The following STK32B variants were observed in gnomAD, a reference collection of about 807,000 sequenced individuals.
STK32B encodes the protein serine/threonine kinase 32B.
Under a neutral mutation model 52.6 loss-of-function variants are expected in STK32B, and 43 were observed. The ratio of observed to expected loss-of-function variants is 0.82; its 90% CI spans 0.64 to 1.05. STK32B has a LOEUF of 1.05. Ranked by LOEUF, STK32B falls within the 50% of genes least tolerant of loss-of-function variation. STK32B has a pLI of 0.00. For synonymous variants in STK32B, 238 were observed against 204.3 expected (o/e 1.17, Z -1.41); for missense variants, 621 against 534.6 (o/e 1.16, Z -1.59).
chr4:5,128,195 A>G (rs13139466), intron 1 of STK32B, among the ~76,000 whole-genome samples: 27,807 of 152,166 alleles, frequency 0.18, 3,314 homozygotes, highest in Non-Finnish European at 0.25. Context: ...TTCCCTTTGG[A>G]CTTCTGGCCT....
intron 4 of STK32B, among the ~76,000 whole-genome samples, chr4:5,377,932 T>TA (rs1396579870): frequency 2.0e-5 from 3 of 152,076 alleles, no homozygotes; most frequent in African/African-American, 7.2e-5. Context: ...AATACAACCA[T>TA]AAAAAATAAA....
At chr4:5,495,531 G>A (rs551680261) in intron 11 of STK32B, among the ~76,000 whole-genome samples, 1 of 152,014 alleles carries the variant, frequency 6.6e-6, no homozygotes, top group East Asian at 1.9e-4. Flanking sequence ...ATTTCCTCCT[G>A]TAGCTCGCAG....
At chr4:5,452,006 CACTA>C (rs1393448863) in intron 7 of STK32B, among the ~76,000 whole-genome samples, 2 of 152,192 alleles carry the variant, frequency 1.3e-5, no homozygotes, top group Non-Finnish European at 2.9e-5. Context: ...ACCCTTCAAC[CACTA>C]GAGACAGGCA....
In STK32B at chr4:5,270,757, A is replaced by C. The variant is rs1460272414; in HGVS notation, c.261-60463A>C. ...CATTAAGATGGGAAAGGATGAATAA[A>C]ACTTTATTTGCTGGCAGATGATATG... On this transcript the variant is annotated intron_variant, in intron 3 of 11. Coordinates refer to ENST00000282908, the MANE Select transcript of STK32B (RefSeq NM_018401.3). Among the ~76,000 whole-genome samples, 3 of 152,196 alleles carry C rather than the reference A, an allele frequency of 2.0e-5. No individual in the cohort carries two copies. The East Asian group carries it at 5.8e-4, about 29-fold the overall frequency.
chr4:5,388,445 G>C (rs1273259072), intron 4 of STK32B, among the ~76,000 whole-genome samples: 1 of 152,184 alleles, frequency 6.6e-6, no homozygotes, highest in African/African-American at 2.4e-5. Context: ...CAGTATTGGA[G>C]TAAGGATTTG....
intron 3 of STK32B, among the ~76,000 whole-genome samples, chr4:5,189,011 AT>A (rs1489957562): frequency 4.7e-5 from 7 of 149,662 alleles, no homozygotes; most frequent in Admixed American, 2.8e-4. Flanking sequence ...TTAAGGTATA[AT>A]TTAAAAAAAA....
At chr4:5,091,179 G>C (rs1057415901) in intron 1 of STK32B, among the ~76,000 whole-genome samples, 1 of 152,026 alleles carries the variant, frequency 6.6e-6, no homozygotes, top group African/African-American at 2.4e-5. Flanking sequence ...GCTTCTTACT[G>C]TTGACTTCAA....
chr4:5,172,839 G>C (rs553419566), intron 3 of STK32B, among the ~76,000 whole-genome samples: 105 of 152,214 alleles, frequency 6.9e-4, no homozygotes, highest in Middle Eastern at 3.4e-3. Flanking sequence ...GAGTTAGGGA[G>C]GATTCTGTCT....
the STK32B span, among the ~76,000 whole-genome samples, chr4:5,027,958 G>A: frequency 6.6e-5 from 10 of 152,194 alleles, no homozygotes; most frequent in South Asian, 2.1e-4. Flanking sequence ...TGAGACCTGC[G>A]TCTCCTTCTT....
At chr4:5,116,184 GCACA>G (rs146380270) in intron 1 of STK32B, among the ~76,000 whole-genome samples, 4 of 149,134 alleles carry the variant, frequency 2.7e-5, no homozygotes, top group Non-Finnish European at 4.5e-5. Context: ...GTGCATGCAC[GCACA>G]CACACACACA....
At position 5,089,504 on chromosome 4, in the gene STK32B, A is replaced by G. The variant is rs569473169; in HGVS notation, c.52+37589A>G. Among the ~76,000 whole-genome samples the G allele has an allele frequency of 4.6e-5, 7 of 152,180 alleles. No individual in the cohort carries two copies. The South Asian group carries it at 1.4e-3, about 32-fold the overall frequency. On this transcript the variant is annotated intron_variant, in intron 1 of 11. Transcript: ENST00000282908. ...TTCTAGCTTCATCCATGTCCCTGCA[A>G]AGGACATGATCTCATTCTTTTTTAT...
chr4:5,262,124 C>G (rs1726749926), intron 3 of STK32B, among the ~76,000 whole-genome samples: 1 of 150,436 alleles, frequency 6.6e-6, no homozygotes, highest in Non-Finnish European at 1.5e-5. Context: ...TTTGTCCACT[C>G]TCTCTGTTGG....
intron 3 of STK32B, among the ~76,000 whole-genome samples, chr4:5,252,228 A>G (rs756137989): frequency 2.0e-5 from 3 of 152,094 alleles, no homozygotes; most frequent in African/African-American, 2.4e-5. Context: ...TGTGCCAAAG[A>G]TTTGTCATTA....
chr4:5,303,249 A>C (rs1729689807), intron 3 of STK32B, among the ~76,000 whole-genome samples: 1 of 152,082 alleles, frequency 6.6e-6, no homozygotes, highest in Non-Finnish European at 1.5e-5. Context: ...TTCTTTAAGG[A>C]ATCTCCACAC....
At chr4:5,279,830 C>T (rs1728076303) in intron 3 of STK32B, among the ~76,000 whole-genome samples, 1 of 152,166 alleles carries the variant, frequency 6.6e-6, no homozygotes, top group Non-Finnish European at 1.5e-5. Flanking sequence ...AAGCAACAGC[C>T]CAAGCTGTAC....
At chr4:5,447,390 G>A (rs1026807918) in intron 7 of STK32B, 2 of 152,200 alleles carry the variant, frequency 1.3e-5, no homozygotes, top group Non-Finnish European at 1.5e-5. Context: ...CACTTTGGGA[G>A]GCTGAGGTGG....
chr4:5,389,274 A>G (rs1736448870), intron 4 of STK32B, among the ~76,000 whole-genome samples: 1 of 152,234 alleles, frequency 6.6e-6, no homozygotes, highest in Non-Finnish European at 1.5e-5. Context: ...AATAAGGGTA[A>G]CAATACTGCC....
intron 3 of STK32B, among the ~76,000 whole-genome samples, chr4:5,253,633 C>G (rs1485835376): frequency 6.6e-6 from 1 of 151,980 alleles, no homozygotes; most frequent in Non-Finnish European, 1.5e-5. Flanking sequence ...ACCTCGGCCT[C>G]CAAAGTGCTG....
intron 3 of STK32B, among the ~76,000 whole-genome samples, chr4:5,257,322 A>G (rs1275509327): frequency 1.3e-5 from 2 of 152,192 alleles, no homozygotes; most frequent in Non-Finnish European, 2.9e-5. Flanking sequence ...TAGATGAGTG[A>G]GCAAGTGAAT....
Sources: gnomAD v4.1 joint callset for allele counts (sites outside exome capture counted in the v4.1 genomes callset) on GRCh38, gnomAD v4.1.1 for gene constraint, MANE v1.5 for transcripts, NCBI Gene and HGNC (gene_info 2026-07-23, HGNC 2026-07-21) for gene names.